Variants in CNTNAP2 observed in about 807,000 individuals in gnomAD.
The protein encoded by CNTNAP2 is contactin associated protein 2.
CNTNAP2 carries 98 observed loss-of-function variants against 155.2 expected under a neutral mutation model. That is an observed-to-expected ratio of 0.63 (90% CI 0.54 to 0.75). The LOEUF is 0.75. Among genes scored for constraint, CNTNAP2 ranks in the 30% least tolerant of loss-of-function variants. CNTNAP2 has a pLI of 0.00. For missense variants in CNTNAP2, 1,727 were observed against 1,688.1 expected (o/e 1.02, Z -0.40); for synonymous variants, 651 against 631.2 (o/e 1.03, Z -0.47).
chr7:146,461,188 G>A (rs1006304207), intron 1 of CNTNAP2, among the ~76,000 whole-genome samples: 1 of 152,002 alleles, frequency 6.6e-6, no homozygotes. Flanking sequence ...TGGATCATGA[G>A]GTCAGGAGAT....
intron 1 of CNTNAP2, among the ~76,000 whole-genome samples, chr7:146,214,712 T>G (rs1317448726): frequency 6.6e-6 from 1 of 152,172 alleles, no homozygotes; most frequent in Non-Finnish European, 1.5e-5. Context: ...AGGCTTTAAT[T>G]TCCTTGGATT....
At chr7:146,948,957 A>T (rs12532127) in intron 3 of CNTNAP2, among the ~76,000 whole-genome samples, 1 of 152,018 alleles carries the variant, frequency 6.6e-6, no homozygotes, top group African/African-American at 2.4e-5. Flanking sequence ...GGGAAGTGTG[A>T]TGGAGAGGAA....
chr7:147,216,485 G>T (rs894532319), intron 8 of CNTNAP2, among the ~76,000 whole-genome samples: 1 of 151,766 alleles, frequency 6.6e-6, no homozygotes, highest in African/African-American at 2.4e-5. Context: ...ATGATTGTGG[G>T]TCTATTTCTA....
intron 16 of CNTNAP2, among the ~76,000 whole-genome samples, chr7:148,145,372 T>G (rs906120490): frequency 6.6e-6 from 1 of 152,184 alleles, no homozygotes; most frequent in African/African-American, 2.4e-5. Context: ...TCTAGCGACT[T>G]CTGGCACTCA....
At chr7:147,346,111 G>C (rs1180001618) in intron 9 of CNTNAP2, among the ~76,000 whole-genome samples, 1 of 151,436 alleles carries the variant, frequency 6.6e-6, no homozygotes. Flanking sequence ...ATTTTTGGCT[G>C]TGTCCCATAA....
intron 2 of CNTNAP2, among the ~76,000 whole-genome samples, chr7:146,807,858 C>G (rs560251772): frequency 1.3e-5 from 2 of 152,236 alleles, no homozygotes; most frequent in African/African-American, 4.8e-5. Flanking sequence ...TAATGGCTGT[C>G]TGCCCACTCC....
chr7:147,672,899 G>A (rs1036684152), intron 13 of CNTNAP2: 4 of 152,178 alleles, frequency 2.6e-5, no homozygotes, highest in Non-Finnish European at 2.9e-5. Flanking sequence ...TGGATTCAAG[G>A]ATACCCAAAG....
intron 15 of CNTNAP2, among the ~76,000 whole-genome samples, chr7:148,095,893 T>A (rs1803955243): frequency 6.6e-6 from 1 of 152,192 alleles, no homozygotes; most frequent in Non-Finnish European, 1.5e-5. Context: ...GCTTTATTGC[T>A]CTCTTTAAGC....
At chr7:146,529,609 T>G (rs1300051974) in intron 1 of CNTNAP2, among the ~76,000 whole-genome samples, 2 of 152,028 alleles carry the variant, frequency 1.3e-5, no homozygotes, top group African/African-American at 4.8e-5. Flanking sequence ...TGGTAATGGT[T>G]TAGAGGAAAG....
At chr7:147,405,559 A>G (rs1412952288) in intron 10 of CNTNAP2, among the ~76,000 whole-genome samples, 1 of 152,190 alleles carries the variant, frequency 6.6e-6, no homozygotes, top group Non-Finnish European at 1.5e-5. Context: ...TGTGGGAGTC[A>G]GTTGTTCATT....
In CNTNAP2 at chr7:147,949,458, A is replaced by ATT. The variant is rs199529235; in HGVS notation, c.2256-28393_2256-28392dup. 3.8e-3 allele frequency among the ~76,000 whole-genome samples: 519 copies of ATT among 137,370 alleles called. 8 individuals are homozygous for ATT. Among genetic ancestry groups the ATT allele is most frequent in the East Asian group, 0.028 (130 of 4,710 alleles). The allele number at this position is 137,370 out of a possible 152,430, so 90.1% of individuals were successfully genotyped here. On this transcript the variant is annotated intron_variant, in intron 14 of 23. Transcript: ENST00000361727. ...ACTGTGTGTATATATATATATATAT[A>ATT]TTTTTTTTTTTTAGGTTTATTGCAG...
chr7:148,169,919 C>T (rs1396794539), intron 17 of CNTNAP2, among the ~76,000 whole-genome samples: 1 of 151,552 alleles, frequency 6.6e-6, no homozygotes, highest in Non-Finnish European at 1.5e-5. Flanking sequence ...GAGATCATGC[C>T]ACTGCACTCC....
At chr7:147,459,908 C>T (rs376048949) in intron 10 of CNTNAP2, among the ~76,000 whole-genome samples, 2 of 152,182 alleles carry the variant, frequency 1.3e-5, no homozygotes, top group East Asian at 1.9e-4. Context: ...AACCAAACAC[C>T]GCATGTTCTC....
chr7:146,658,384 C>CAGAAAAAA (rs1800029835), intron 1 of CNTNAP2, among the ~76,000 whole-genome samples: 1 of 139,676 alleles, frequency 7.2e-6, no homozygotes, highest in Non-Finnish European at 1.6e-5. Context: ...TGATTTCTGC[C>CAGAAAAAA]AAAAAAAAAA....
At chr7:147,467,246 G>T (rs1347697094) in intron 10 of CNTNAP2, among the ~76,000 whole-genome samples, 1 of 152,146 alleles carries the variant, frequency 6.6e-6, no homozygotes. Context: ...AGTTATATTT[G>T]TAAATTGTCC....
rs759485468 is a variant in CNTNAP2 at position 146,515,889 on chromosome 7, T to C, written c.98-258382T>C. Among the ~76,000 whole-genome samples, 10 of 152,164 alleles carry C rather than the reference T, an allele frequency of 6.6e-5. No individual in the cohort carries two copies. The East Asian group carries it at 1.9e-3, about 29-fold the overall frequency. On this transcript the variant is annotated intron_variant, in intron 1 of 23. Coordinates refer to ENST00000361727, the MANE Select transcript of CNTNAP2 (RefSeq NM_014141.6). ...TTAGACAATTCTGTTTATTGACATA[T>C]CATTAATCATTATAGATTCCTATCT...
chr7:147,883,150 A>G (rs1178196751), intron 13 of CNTNAP2, among the ~76,000 whole-genome samples: 1 of 152,104 alleles, frequency 6.6e-6, no homozygotes, highest in Non-Finnish European at 1.5e-5. Context: ...GCCTTGTGCT[A>G]GTTAGAAAAT....
intron 1 of CNTNAP2, among the ~76,000 whole-genome samples, chr7:146,410,527 GGAGAC>G (rs1795850976): frequency 6.6e-6 from 1 of 152,006 alleles, no homozygotes; most frequent in African/African-American, 2.4e-5. Flanking sequence ...AAATTCAGGG[GGAGAC>G]GTGCAGGCTT....
At chr7:147,996,038 A>T (rs1312837236) in intron 15 of CNTNAP2, among the ~76,000 whole-genome samples, 2 of 152,208 alleles carry the variant, frequency 1.3e-5, no homozygotes, top group Non-Finnish European at 2.9e-5. Flanking sequence ...TGAGGCTGTG[A>T]GGGTCACACA....
Sources: gnomAD v4.1 joint callset for allele counts (sites outside exome capture counted in the v4.1 genomes callset) on GRCh38, gnomAD v4.1.1 for gene constraint, MANE v1.5 for transcripts, NCBI Gene and HGNC (gene_info 2026-07-23, HGNC 2026-07-21) for gene names.